Variants in IRAG2 observed in about 807,000 individuals in gnomAD.
IRAG2 encodes lymphoid restricted membrane protein.
IRAG2 carries 45 observed loss-of-function variants against 69.9 expected under a neutral mutation model. The ratio of observed to expected loss-of-function variants is 0.64; its 90% CI spans 0.51 to 0.83. IRAG2 has a LOEUF of 0.83. Among genes scored for constraint, IRAG2 ranks in the 40% least tolerant of loss-of-function variants. The pLI, the probability that IRAG2 is intolerant of heterozygous loss-of-function variation, is 0.00. For missense variants in IRAG2, 520 were observed against 587.0 expected (o/e 0.89, Z 1.18); for synonymous variants, 193 against 202.4 (o/e 0.95, Z 0.40).
At chr12:25,060,407 A>T (rs1945543665) in intron 1 of IRAG2, among the ~76,000 whole-genome samples, 1 of 152,168 alleles carries the variant, frequency 6.6e-6, no homozygotes, top group Non-Finnish European at 1.5e-5. Context: ...TAGAGATTTT[A>T]CTTAAGCAGA....
At chr12:25,024,934 C>T (rs1266966784) in intron 8 of IRAG2, among the ~76,000 whole-genome samples, 1 of 152,136 alleles carries the variant, frequency 6.6e-6, no homozygotes, top group Non-Finnish European at 1.5e-5. Flanking sequence ...AATAGCATTG[C>T]AATTATTGAC....
intron 10 of IRAG2, chr12:25,031,142 A>G (rs1944664623): frequency 1.1e-6 from 1 of 906,688 alleles, no homozygotes; most frequent in African/African-American, 1.8e-5. Flanking sequence ...TTTTCCATGC[A>G]CATTTTGAAG....
intron 8 of IRAG2, among the ~76,000 whole-genome samples, chr12:25,025,455 C>T (rs1371461295): frequency 1.3e-5 from 2 of 152,108 alleles, no homozygotes; most frequent in Non-Finnish European, 2.9e-5. Flanking sequence ...GCTGGAGGGT[C>T]CAGACACAAG....
intron 14 of IRAG2, among the ~76,000 whole-genome samples, chr12:25,094,940 A>G (rs1948323540): frequency 1.3e-5 from 2 of 152,138 alleles, no homozygotes; most frequent in South Asian, 2.1e-4. Flanking sequence ...ATTTTGTTGA[A>G]TGTGTATATT....
exon 14 of IRAG2, chr12:25,035,664 A>G (rs1944697169): frequency 2.5e-6 from 1 of 398,916 alleles, no homozygotes; most frequent in Non-Finnish European, 4.4e-6. Context: ...ACACTGAAAC[A>G]GAAAGGCAGC....
chr12:25,036,924 G>A (rs1944706953), intron 15 of IRAG2, among the ~76,000 whole-genome samples: 1 of 150,176 alleles, frequency 6.7e-6, no homozygotes, highest in Non-Finnish European at 1.5e-5. Context: ...TAAATAAGAT[G>A]ATTTAATGAA....
At chr12:25,044,931 T>C (rs879596936) in intron 16 of IRAG2, among the ~76,000 whole-genome samples, 13 of 152,096 alleles carry the variant, frequency 8.5e-5, no homozygotes, top group Middle Eastern at 3.2e-3. Flanking sequence ...CACAGAACAT[T>C]CTGCCCAACT....
rs181793639 is a variant in IRAG2, at chr12:25,082,086, G to T, written c.245-1337G>T. 7.6e-4 allele frequency among the ~76,000 whole-genome samples: 115 copies of T among 152,136 alleles called. 1 individual carries two copies. The highest frequency in any genetic ancestry group is 2.6e-3 in the African/African-American group (107 of 41,516). Reference sequence around the variant, plus strand: ...ATTAAAAAAAAATTGTGAAGATGGGGTCTCACTATGTTTCCTAGGCTGGTC... The same window carrying T: ...ATTAAAAAAAAATTGTGAAGATGGGTTCTCACTATGTTTCCTAGGCTGGTC... On this transcript the variant is annotated intron_variant, in intron 9 of 21. Coordinates refer to ENST00000556887, the MANE Select transcript of IRAG2 (RefSeq NM_001366544.2).
intron 3 of IRAG2, among the ~76,000 whole-genome samples, chr12:25,012,176 A>C (rs871857): frequency 9.0e-6 from 1 of 111,594 alleles, no homozygotes; most frequent in African/African-American, 3.5e-5. Flanking sequence ...TTTTTCTGAG[A>C]CGGAGTTTCA....
upstream of IRAG2, among the ~76,000 whole-genome samples, chr12:25,001,924 C>A (rs1236979912): frequency 6.6e-6 from 1 of 152,022 alleles, no homozygotes; most frequent in East Asian, 1.9e-4. Context: ...CATGTACCAA[C>A]CATGCCCTGC....
chr12:25,018,193 C>CT (rs56659655), intron 6 of IRAG2, among the ~76,000 whole-genome samples: 20,143 of 105,466 alleles, frequency 0.19, 3,492 homozygotes, highest in African/African-American at 0.43. Context: ...TTTCTTTCTT[C>CT]TTTTTTTTTT....
At chr12:25,047,496 G>C (rs975385249), upstream of IRAG2, among the ~76,000 whole-genome samples, 3 of 152,088 alleles carry the variant, frequency 2.0e-5, no homozygotes, top group Non-Finnish European at 2.9e-5. Flanking sequence ...ACATGTGCAG[G>C]ATGTGCAGGT....
chr12:25,056,733 A>T (rs138561427), intron 1 of IRAG2, among the ~76,000 whole-genome samples: 2 of 152,214 alleles, frequency 1.3e-5, no homozygotes, highest in African/African-American at 4.8e-5. Flanking sequence ...ATGTTGTTTC[A>T]TTCACGATTT....
chr12:25,087,311 G>GCA lies in IRAG2; in HGVS notation c.316-788_316-787insAC, dbSNP rs1947690761. ...GCCTTCAGAGTAGCTTGGATTATAG[G>GCA]CCTGCACCACCACCCCTGGCTAATT... On this transcript the variant is annotated intron_variant, in intron 10 of 21. Transcript: ENST00000556887. Among the ~76,000 whole-genome samples the GCA allele has an allele frequency of 2.5e-4, 38 of 151,804 alleles. No individual in the cohort carries two copies. In the South Asian group the frequency reaches 7.9e-3, roughly 32 times the overall value.
intron 14 of IRAG2, among the ~76,000 whole-genome samples, chr12:25,095,687 T>A (rs1033986581): frequency 6.6e-6 from 1 of 152,188 alleles, no homozygotes; most frequent in Admixed American, 6.5e-5. Flanking sequence ...CCTCTTCAAT[T>A]TTTGGGAAGA....
chr12:25,101,828 A>T, intron 16 of IRAG2: 1 of 455,756 alleles, frequency 2.2e-6, no homozygotes, highest in Admixed American at 2.7e-5. Flanking sequence ...AAAATAAACA[A>T]TATGAACTTT....
chr12:25,060,824 C>T (rs567325628), intron 1 of IRAG2, among the ~76,000 whole-genome samples: 5 of 148,528 alleles, frequency 3.4e-5, no homozygotes, highest in Admixed American at 6.7e-5. Context: ...CCACACCCAG[C>T]TAATTTTTGT....
intron 9 of IRAG2, among the ~76,000 whole-genome samples, chr12:25,029,556 A>G (rs1013095372): frequency 3.3e-5 from 5 of 152,208 alleles, no homozygotes; most frequent in Non-Finnish European, 7.3e-5. Context: ...ATATTTATTC[A>G]TTCTATAATA....
At chr12:25,032,375 T>C (rs926090111) in intron 12 of IRAG2, 18 of 398,940 alleles carry the variant, frequency 4.5e-5, no homozygotes, top group Admixed American at 8.8e-5. Flanking sequence ...ATCACGTAAG[T>C]AGAGGGCAAC....
Sources: gnomAD v4.1 joint callset for allele counts (sites outside exome capture counted in the v4.1 genomes callset) on GRCh38, gnomAD v4.1.1 for gene constraint, MANE v1.5 for transcripts, NCBI Gene and HGNC (gene_info 2026-07-23, HGNC 2026-07-21) for gene names.